The following RNPEPL1 variants were observed in gnomAD, a reference collection of about 807,000 sequenced individuals.
RNPEPL1 encodes arginyl aminopeptidase like 1.
In RNPEPL1, 46 loss-of-function variants were observed where a neutral mutation model predicts 69.0. The ratio of observed to expected loss-of-function variants is 0.67; its 90% confidence interval spans 0.53 to 0.85. RNPEPL1 has a LOEUF of 0.85. Ranked by LOEUF, RNPEPL1 falls within the 40% of genes least tolerant of loss-of-function variation. The pLI, the probability that RNPEPL1 is intolerant of heterozygous loss-of-function variation, is 0.00. For missense variants in RNPEPL1, 869 were observed against 992.5 expected (o/e 0.88, Z 1.67); for synonymous variants, 525 against 454.1 (o/e 1.16, Z -1.98).
chr2:240,576,785 G>A lies in RNPEPL1; in HGVS notation c.1741+20G>A. The A allele has an allele frequency of 6.2e-7, 1 of 1,612,584 alleles. No homozygotes were observed. The highest frequency in any genetic ancestry group is 1.1e-5 in the South Asian group (1 of 91,070). ...CGCAGGGTGAGTCCCTGCAGCTGAT[G>A]GGGGCGGCCCAGGGGCTGGGGTGCA... On this transcript the variant is annotated intron_variant, in intron 9 of 10. Transcript: ENST00000270357.
At chr2:240,569,244 A>G in intron 1 of RNPEPL1, 130 bp downstream of exon 1, 1 of 1,018,366 alleles carries the variant, frequency 9.8e-7, no homozygotes, top group Non-Finnish European at 1.3e-6. Context: ...CACCCCGGTG[A>G]TTCCCAGCTG....
intron 1 of RNPEPL1, among the ~76,000 whole-genome samples, chr2:240,571,864 C>G (rs762725576): frequency 3.9e-5 from 6 of 152,076 alleles, no homozygotes; most frequent in Non-Finnish European, 8.8e-5. Flanking sequence ...GCTTGCTGTC[C>G]CCTGGCTTGG....
chr2:240,572,991 C>G (rs919662855), intron 2 of RNPEPL1, 119 bp from the exon 3 acceptor site: 133 of 1,193,622 alleles, frequency 1.1e-4, no homozygotes, highest in Non-Finnish European at 1.3e-4. Context: ...CAGAAACGTT[C>G]CCTGATGGGG....
intron 1 of RNPEPL1, among the ~76,000 whole-genome samples, chr2:240,570,175 C>A (rs567983876): frequency 6.6e-6 from 1 of 152,224 alleles, no homozygotes. Flanking sequence ...GGCCTTGATC[C>A]GTGTTTGGAG....
At chr2:240,577,297 C>T (rs1039533410) in intron 10 of RNPEPL1, among the ~76,000 whole-genome samples, 5 of 152,184 alleles carry the variant, frequency 3.3e-5, no homozygotes, top group African/African-American at 4.8e-5. Flanking sequence ...GCAGAGGGGA[C>T]GTCCCAGCTC....
intron 1 of RNPEPL1, among the ~76,000 whole-genome samples, chr2:240,569,779 C>G (rs2093015934): frequency 6.6e-6 from 1 of 152,192 alleles, no homozygotes; most frequent in South Asian, 2.1e-4. Flanking sequence ...TACTGCATCC[C>G]TAGGTGGTAT....
At position 240,568,727 on chromosome 2, in the gene RNPEPL1, C is replaced by G; in HGVS notation, c.141C>G (p.Gly47=). 1 of 1,070,826 alleles carries G rather than the reference C, an allele frequency of 9.3e-7. No individual in the cohort carries two copies. The highest frequency in any genetic ancestry group is 1.7e-5 in the African/African-American group (1 of 58,228). The allele number at this position is 1,070,826 out of a possible 1,614,324, so 66.3% of individuals were successfully genotyped here. ...QLFRLRHLQL[G]LELRPEAREL... is the part of the protein sequence containing the mutation. ...TCCGCCTCCGCCACCTGCAGCTGGG[C>G]CTGGAGCTGCGGCCCGAGGCGCGCG... is the stretch of plus-strand genomic sequence containing the variant. Residue 47 remains glycine, a synonymous_variant, in exon 1 of 11, where the codon GGC becomes GGG. Transcript: ENST00000270357. This position sits in a 1 kb window ranked among gnomAD's most constrained non-coding sequence, Gnocchi z 6.2.
intron 7 of RNPEPL1, 160 bp from the exon 8 acceptor site, chr2:240,575,342 C>T: frequency 1.3e-6 from 1 of 761,994 alleles, no homozygotes; most frequent in East Asian, 2.6e-5. Flanking sequence ...GCTCCCTTGG[C>T]AGGGCCTGCG....
intron 3 of RNPEPL1, 93 bp from the exon 4 acceptor site, chr2:240,573,682 G>T: frequency 1.9e-6 from 2 of 1,080,276 alleles, no homozygotes; most frequent in Non-Finnish European, 2.6e-6. Context: ...TGAGGTGTGG[G>T]TGTTACTGGA....
rs1024310716 is a variant in RNPEPL1, at chr2:240,578,981, G to A, written c.*1089G>A. 2 of 152,298 alleles carry A rather than the reference G, an allele frequency of 1.3e-5. No individual in the cohort carries two copies. The highest frequency in any genetic ancestry group is 1.3e-4 in the Admixed American group (2 of 15,292). 9.4% of individuals were successfully genotyped at this position (152,298 alleles called of 1,614,324 possible). A position where few individuals can be genotyped will look rare whatever the true frequency, so the allele number is the denominator to read the frequency against. On this transcript the variant is annotated 3_prime_UTR_variant, in exon 11 of 11. Transcript: ENST00000270357. ...CCTTCACTCTGGGCCTTCACCTGTG[G>A]CTTAAGCCAAATCCCGGCCTCAGTG...
Position 240,581,081 on chromosome 2 carries a change from T to C in RNPEPL1, c.*3189T>C, listed in dbSNP as rs2093050997. 2 of 152,164 alleles carry C rather than the reference T, an allele frequency of 1.3e-5. No individual in the cohort carries two copies. Among genetic ancestry groups the C allele is most frequent in the African/African-American group, 4.8e-5 (2 of 41,416 alleles). The allele number at this position is 152,164 out of a possible 1,614,324, so 9.4% of individuals were successfully genotyped here. ...GCACAGAACATTAGGAAACTCCAGATGTAAAGGTAAGGCACAACTGAGAAT... is the reference window on the plus strand; with the variant it reads ...GCACAGAACATTAGGAAACTCCAGACGTAAAGGTAAGGCACAACTGAGAAT... On this transcript the variant is annotated 3_prime_UTR_variant, in exon 11 of 11. Coordinates refer to ENST00000270357, the MANE Select transcript of RNPEPL1 (RefSeq NM_018226.6).
Position 240,576,768 on chromosome 2 carries a change from G to T in RNPEPL1, c.1741+3G>T, listed in dbSNP as rs373564590. The T allele has an allele frequency of 3.7e-6, 6 of 1,612,550 alleles. No homozygotes were observed. The highest frequency in any genetic ancestry group is 1.3e-5 in the African/African-American group (1 of 74,944). On this transcript the variant is annotated splice_donor_region_variant and intron_variant, in intron 9 of 10. Transcript: ENST00000270357. Reference sequence around the variant, plus strand: ...GGATGGGTCCCCGCTGCCGCAGGGTGAGTCCCTGCAGCTGATGGGGGCGGC... The same window carrying T: ...GGATGGGTCCCCGCTGCCGCAGGGTTAGTCCCTGCAGCTGATGGGGGCGGC...
Position 240,576,994 on chromosome 2 carries a change from C to T in RNPEPL1, c.1884+4C>T, listed in dbSNP as rs538374417. 3.4e-5 allele frequency: 55 copies of T among 1,612,674 alleles called. No individual in the cohort carries two copies. The South Asian group carries it at 4.9e-4, about 14-fold the overall frequency. ...GCGGCGCTTCCTGGAGAGCCAGGTGCGGTCACCTGCCCAGGGGGCCAGCCT... is the reference window on the plus strand; with the variant it reads ...GCGGCGCTTCCTGGAGAGCCAGGTGTGGTCACCTGCCCAGGGGGCCAGCCT... On this transcript the variant is annotated splice_donor_region_variant and intron_variant, in intron 10 of 10. Coordinates refer to ENST00000270357, the MANE Select transcript of RNPEPL1 (RefSeq NM_018226.6).
Position 240,575,120 on chromosome 2 carries a change from A to G in RNPEPL1, c.1379A>G (p.Gln460Arg). The G allele has an allele frequency of 1.2e-6, 2 of 1,613,476 alleles. No homozygotes were observed. Among genetic ancestry groups the G allele is most frequent in the Non-Finnish European group, 1.7e-6 (2 of 1,179,838 alleles). Residue 460 changes from glutamine to arginine, a missense_variant, in exon 7 of 11, where the codon CAG becomes CGG. Gln to Arg is a conservative substitution (Grantham distance 43). Coordinates refer to ENST00000270357, the MANE Select transcript of RNPEPL1 (RefSeq NM_018226.6). ...YYLSQLCGDPQRFDDFLRAYV... is the reference protein window; with the variant it reads ...YYLSQLCGDPRRFDDFLRAYV... ...CTGTCCCAGCTCTGCGGAGACCCAC[A>G]GCGCTTTGATGACTTTCTCCGAGTG...
chr2:240,575,609 A>G lies in RNPEPL1; in HGVS notation c.1509A>G (p.Ala503=). ...ELKEQSVDCR[A]GLEFERWLNA... is the part of the protein sequence containing the mutation. ...AGGAGCAGAGCGTGGACTGCCGGGC[A>G]GGTGAGGCTGACCCCCAACCCTGCA... is the stretch of plus-strand genomic sequence containing the variant. The change falls in exon 8 of 11, where the codon GCA becomes GCG. Residue 503 remains alanine, a splice_region_variant and synonymous_variant. Coordinates refer to ENST00000270357, the MANE Select transcript of RNPEPL1 (RefSeq NM_018226.6). 2 of 1,612,738 alleles carry G rather than the reference A, an allele frequency of 1.2e-6. No homozygotes were observed. The highest frequency in any genetic ancestry group is 2.2e-5 in the East Asian group (1 of 44,888).
chr2:240,571,096 C>G lies in RNPEPL1; in HGVS notation c.529-1327C>G, dbSNP rs990209067. Among the ~76,000 whole-genome samples, 8 of 152,198 alleles carry G rather than the reference C, an allele frequency of 5.3e-5. No individual in the cohort carries two copies. In the South Asian group the frequency reaches 1.7e-3, roughly 32 times the overall value. Reference sequence around the variant, plus strand: ...TCATACAGATTCCCAGGTCCCAGCCCCCCCCAAGGGGGAGGCTGCGTTTGT... The same window carrying G: ...TCATACAGATTCCCAGGTCCCAGCCGCCCCCAAGGGGGAGGCTGCGTTTGT... On this transcript the variant is annotated intron_variant, in intron 1 of 10. Transcript: ENST00000270357.
chr2:240,573,778 C>T lies in RNPEPL1; in HGVS notation c.825C>T (p.Ser275=), dbSNP rs2093029488. ...TCACCCTCTCTGCATGCACCAGGAG[C>T]CGCGTGTGGGCCGAGCCATGCCTCC... The part of the protein sequence containing the change: ...DLKPADIGPR[S]RVWAEPCLLP... Residue 275 remains serine, a synonymous_variant, in exon 4 of 11, where the codon AGC becomes AGT. Coordinates refer to ENST00000270357, the MANE Select transcript of RNPEPL1 (RefSeq NM_018226.6). 4 of 1,536,630 alleles carry T rather than the reference C, an allele frequency of 2.6e-6. No homozygotes were observed. Among genetic ancestry groups the T allele is most frequent in the African/African-American group, 1.4e-5 (1 of 72,900 alleles).
Position 240,581,170 on chromosome 2 carries a change from GAGAC to G in RNPEPL1, c.*3282_*3285del, listed in dbSNP as rs2093051140. On this transcript the variant is annotated 3_prime_UTR_variant, in exon 11 of 11. Coordinates refer to ENST00000270357, the MANE Select transcript of RNPEPL1 (RefSeq NM_018226.6). ...GGCCACTCAACCCAAACTTACACCT[GAGAC>G]AGAGGCAACAGAAAAATCAGAAAAG... 1 of 152,168 alleles carries G rather than the reference GAGAC, an allele frequency of 6.6e-6. No individual in the cohort carries two copies. The highest frequency in any genetic ancestry group is 2.4e-5 in the African/African-American group (1 of 41,422). The allele number at this position is 152,168 out of a possible 1,614,324, so 9.4% of individuals were successfully genotyped here.
intron 10 of RNPEPL1, 148 bp downstream of exon 10, chr2:240,577,138 G>A: frequency 9.9e-7 from 1 of 1,009,416 alleles, no homozygotes; most frequent in Non-Finnish European, 1.4e-6. Context: ...TGTTGGGAGT[G>A]GGGGCATGCA....
Sources: gnomAD v4.1 joint callset for allele counts (sites outside exome capture counted in the v4.1 genomes callset) on GRCh38, gnomAD v4.1.1 for gene constraint, Gnocchi (gnomAD v3.1) non-coding constraint, MANE v1.5 for transcripts, NCBI Gene and HGNC (gene_info 2026-07-23, HGNC 2026-07-21) for gene names.